The following CGGBP1 variants were observed in gnomAD, a reference collection of about 807,000 sequenced individuals.
CGGBP1 encodes the protein CGG triplet repeat-binding protein 1.
Under a neutral mutation model 11.4 loss-of-function variants are expected in CGGBP1, and 4 were observed. The ratio of observed to expected loss-of-function variants is 0.35; its 90% CI spans 0.17 to 0.80. The LOEUF is 0.80. Among genes scored for constraint, CGGBP1 ranks in the 30% least tolerant of loss-of-function variants. The probability of loss-of-function intolerance (pLI) is 0.52; values close to 1 mark genes in which losing one functional copy is unlikely to be tolerated. For missense variants in CGGBP1, 135 were observed against 202.1 expected (o/e 0.67, Z 2.01); for synonymous variants, 76 against 74.1 (o/e 1.03, Z -0.13).
intron 2 of CGGBP1, among the ~76,000 whole-genome samples, chr3:88,136,323 ATATAT>A (rs1252060980): frequency 1.3e-5 from 2 of 152,318 alleles, no homozygotes; most frequent in African/African-American, 2.4e-5. Flanking sequence ...AAACCTGCAA[ATATAT>A]TATAAAAGGA....
intron 2 of CGGBP1, among the ~76,000 whole-genome samples, chr3:88,085,671 T>C (rs1382428400): frequency 6.6e-6 from 1 of 152,228 alleles, no homozygotes; most frequent in Admixed American, 6.5e-5. Context: ...AGGAAACTAA[T>C]GCATTGAGAA....
At chr3:88,084,167 G>C (rs1422804960) in intron 2 of CGGBP1, among the ~76,000 whole-genome samples, 2 of 152,158 alleles carry the variant, frequency 1.3e-5, no homozygotes, top group African/African-American at 4.8e-5. Flanking sequence ...GCTAGACTAG[G>C]CAAATACATT....
chr3:88,135,747 A>G (rs999448699), intron 2 of CGGBP1, among the ~76,000 whole-genome samples: 1 of 152,112 alleles, frequency 6.6e-6, no homozygotes, highest in Non-Finnish European at 1.5e-5. Flanking sequence ...ACAATCCTAC[A>G]TGAGTCTTAC....
chr3:88,077,431 C>T (rs1401185779), intron 2 of CGGBP1, among the ~76,000 whole-genome samples: 1 of 151,000 alleles, frequency 6.6e-6, no homozygotes, highest in Non-Finnish European at 1.5e-5. Flanking sequence ...CCGCCGGGTT[C>T]ACTCCACTCT....
chr3:88,090,950 A>G (rs565452595), intron 2 of CGGBP1, among the ~76,000 whole-genome samples: 2 of 152,378 alleles, frequency 1.3e-5, no homozygotes, highest in East Asian at 3.9e-4. Context: ...CTTGGGCTGC[A>G]TGCAGGCTGC....
At chr3:88,117,594 G>T (rs1705488591) in intron 2 of CGGBP1, among the ~76,000 whole-genome samples, 1 of 152,028 alleles carries the variant, frequency 6.6e-6, no homozygotes, top group Non-Finnish European at 1.5e-5. Flanking sequence ...CAGAATAAAA[G>T]AAATAGGACT....
chr3:88,085,634 G>C lies in CGGBP1; in HGVS notation c.-228-27411C>G, dbSNP rs558998992. ...TAAATTACCCCAATTTGGCTTCAGA[G>C]AGCATTGTCATCTCCATTTTATGGT... On this transcript the variant is annotated intron_variant, in intron 2 of 3. Transcript: ENST00000462901. Among the ~76,000 whole-genome samples, 10 of 152,264 alleles carry C rather than the reference G, an allele frequency of 6.6e-5. 1 individual carries two copies. The East Asian group carries it at 1.5e-3, about 23-fold the overall frequency.
chr3:88,130,212 G>A (rs1016102498), intron 2 of CGGBP1, among the ~76,000 whole-genome samples: 1 of 151,868 alleles, frequency 6.6e-6, no homozygotes, highest in African/African-American at 2.4e-5. Context: ...CACTCTTCAG[G>A]GGCTATTAAG....
intron 1 of CGGBP1, among the ~76,000 whole-genome samples, chr3:88,146,601 T>C (rs572318090): frequency 6.0e-4 from 92 of 152,262 alleles, no homozygotes; most frequent in Non-Finnish European, 9.4e-4. Context: ...TGATACAGAA[T>C]TTTGCTAAAT....
chr3:88,137,194 CAAAAAAAAAAAAAAAA>C (rs11401199), intron 2 of CGGBP1, among the ~76,000 whole-genome samples: 1 of 70,724 alleles, frequency 1.4e-5, no homozygotes, highest in South Asian at 7.3e-4. Context: ...GACTCTGTCT[CAAAAAAAAAAAAAAAA>C]AAAAAAAAGG....
At chr3:88,062,647 C>A (rs1159544026), upstream of CGGBP1, among the ~76,000 whole-genome samples, 4 of 152,096 alleles carry the variant, frequency 2.6e-5, no homozygotes, top group African/African-American at 9.7e-5. Context: ...AAGATACTTT[C>A]TTCTTAGTTC....
rs377090822 is a variant in CGGBP1, at chr3:88,054,337, C to G, written c.*1136G>C. 4 of 152,376 alleles carry G rather than the reference C, an allele frequency of 2.6e-5. No individual in the cohort carries two copies. The highest frequency in any genetic ancestry group is 9.6e-5 in the African/African-American group (4 of 41,550). 9.4% of individuals were successfully genotyped at this position (152,376 alleles called of 1,614,324 possible). On this transcript the variant is annotated 3_prime_UTR_variant, in exon 4 of 4. Transcript: ENST00000482016. ...AGGATAGTGAGGTTCAAACAGAGAT[C>G]ATTTCCTGAACATGGCTGATCTTTA... is the stretch of plus-strand genomic sequence containing the variant.
At chr3:88,103,237 C>G (rs1031358448) in intron 2 of CGGBP1, among the ~76,000 whole-genome samples, 3 of 151,938 alleles carry the variant, frequency 2.0e-5, no homozygotes, top group African/African-American at 7.3e-5. Context: ...GATATAAAGG[C>G]TATAGTGGAA....
At chr3:88,063,799 AT>A (rs1707031989), upstream of CGGBP1, among the ~76,000 whole-genome samples, 1 of 151,840 alleles carries the variant, frequency 6.6e-6, no homozygotes, top group Non-Finnish European at 1.5e-5. Context: ...CCATACTATC[AT>A]TTGCTCTTTC....
intron 2 of CGGBP1, among the ~76,000 whole-genome samples, chr3:88,129,521 C>A (rs762227598): frequency 2.0e-5 from 3 of 152,056 alleles, no homozygotes; most frequent in Non-Finnish European, 4.4e-5. Context: ...AGGTGCTGTA[C>A]AGTGAAACTA....
In CGGBP1 at chr3:88,054,003, T is replaced by A. The variant is rs578003824; in HGVS notation, c.*1470A>T. On this transcript the variant is annotated 3_prime_UTR_variant, in exon 4 of 4. Coordinates refer to ENST00000482016, the MANE Select transcript of CGGBP1 (RefSeq NM_001008390.2). Reference sequence around the variant, plus strand: ...TGACAACCTGAATTAGAAACTTAAGTCTGTAAAAAAATCTTAAGACATGGA... The same window carrying A: ...TGACAACCTGAATTAGAAACTTAAGACTGTAAAAAAATCTTAAGACATGGA... 4 of 152,662 alleles carry A rather than the reference T, an allele frequency of 2.6e-5. No homozygotes were observed. In the East Asian group the frequency reaches 7.7e-4, roughly 29 times the overall value. The allele number at this position is 152,662 out of a possible 1,614,324, so 9.5% of individuals were successfully genotyped here.
chr3:88,059,365 G>A (rs1706701601), upstream of CGGBP1: 1 of 1,535,210 alleles, frequency 6.5e-7, no homozygotes, highest in Non-Finnish European at 8.7e-7. Context: ...CCTCGGAGAA[G>A]AGCTTGTGGC....
intron 2 of CGGBP1, among the ~76,000 whole-genome samples, chr3:88,130,570 C>T (rs1427402225): frequency 1.3e-5 from 2 of 151,814 alleles, no homozygotes; most frequent in African/African-American, 4.8e-5. Flanking sequence ...CCCGCCTCAG[C>T]CTCCTCAGTA....
chr3:88,081,414 C>A (rs6799233), intron 2 of CGGBP1, among the ~76,000 whole-genome samples: 119,003 of 151,992 alleles, frequency 0.78, 47,514 homozygotes, highest in South Asian at 0.91. Flanking sequence ...AATTTTCACT[C>A]ACTATTAGCA....
Sources: gnomAD v4.1 joint callset for allele counts (sites outside exome capture counted in the v4.1 genomes callset) on GRCh38, gnomAD v4.1.1 for gene constraint, MANE v1.5 for transcripts, NCBI Gene and HGNC (gene_info 2026-07-23, HGNC 2026-07-21) for gene names.